The following PAN3 variants were observed in gnomAD, a reference collection of about 807,000 sequenced individuals.
The protein encoded by PAN3 is PAN2-PAN3 deadenylation complex subunit PAN3.
A neutral mutation model predicts 96.2 loss-of-function variants in PAN3; 19 were observed. The ratio of observed to expected loss-of-function variants is 0.20; its 90% CI spans 0.14 to 0.29. The LOEUF (loss-of-function observed/expected upper bound fraction) is 0.29. PAN3 is among the 10% of genes least tolerant of loss of function. The pLI, the probability that PAN3 is intolerant of heterozygous loss-of-function variation, is 1.00. For missense variants in PAN3, 882 were observed against 1,108.1 expected, an observed-to-expected ratio of 0.80 and a Z score of 2.90; for synonymous variants, 433 against 406.6, an observed-to-expected ratio of 1.06 and a Z score of -0.78.
rs745378198 is a variant in PAN3, at chr13:28,280,430, A to G, written c.2208A>G (p.Gln736=). ...TGGGTAGGTATTTGTTGACTGACCAAAACAGGATGCGAAGTGTAAATGACA... is the reference window on the plus strand; with the variant it reads ...TGGGTAGGTATTTGTTGACTGACCAGAACAGGATGCGAAGTGTAAATGACA... The part of the protein sequence containing the change: ...KNLILYLLTD[Q]NRMRSVNDIM... The change falls in exon 16 of 19, where the codon CAA becomes CAG. Residue 736 remains glutamine, a synonymous_variant. Coordinates refer to ENST00000380958, the MANE Select transcript of PAN3 (RefSeq NM_175854.8). 1.9e-6 allele frequency: 3 copies of G among 1,610,948 alleles called. No homozygotes were observed. In the South Asian group the frequency reaches 3.3e-5, roughly 18 times the overall value.
chr13:28,193,882 T>A (rs1877629010), intron 4 of PAN3, among the ~76,000 whole-genome samples: 2 of 150,390 alleles, frequency 1.3e-5, no homozygotes, highest in African/African-American at 4.9e-5. Flanking sequence ...TGAGGCCCAG[T>A]GCGGTGGCTC....
intron 5 of PAN3, among the ~76,000 whole-genome samples, chr13:28,218,073 A>G (rs1156922492): frequency 6.6e-6 from 1 of 152,062 alleles, no homozygotes; most frequent in Non-Finnish European, 1.5e-5. Flanking sequence ...TGTTAAAAAT[A>G]TATACCTATG....
In PAN3 at chr13:28,138,704, C is replaced by T. The variant is rs1344369000; in HGVS notation, c.47C>T (p.Pro16Leu). ...GLPPPSAAAS[P>L]SSSSLAAAVA... ...CCGCCCCCCTCGGCCGCCGCCTCCC[C>T]TTCCTCCTCCTCGCTGGCGGCGGCG... The change falls in exon 1 of 19, where the codon CCT (proline) becomes CTT (leucine). Residue 16 changes from proline (P) to leucine (L), a missense_variant. Around this residue, in one of 3 missense-constraint regions of PAN3, gnomAD observed 442 missense variants for 422.8 expected, o/e 1.05. Coordinates refer to ENST00000380958, the MANE Select transcript of PAN3 (RefSeq NM_175854.8). 3.4e-6 allele frequency: 4 copies of T among 1,163,936 alleles called. No homozygotes were observed. Among genetic ancestry groups the T allele is most frequent in the South Asian group, 2.3e-5 (1 of 43,820 alleles). 72.1% of individuals were successfully genotyped at this position (1,163,936 alleles called of 1,614,324 possible).
chr13:28,167,469 A>G (rs1017709746), intron 1 of PAN3, among the ~76,000 whole-genome samples: 1 of 151,906 alleles, frequency 6.6e-6, no homozygotes, highest in African/African-American at 2.4e-5. Context: ...CCCAATACCC[A>G]TTTTTAATCT....
chr13:28,165,925 C>T (rs1241136138), intron 1 of PAN3, among the ~76,000 whole-genome samples: 2 of 152,122 alleles, frequency 1.3e-5, no homozygotes, highest in African/African-American at 4.8e-5. Flanking sequence ...ACTTAATCAC[C>T]ATCTAAAGGC....
At chr13:28,284,937 A>G (rs1374832911) in intron 17 of PAN3, among the ~76,000 whole-genome samples, 1 of 152,172 alleles carries the variant, frequency 6.6e-6, no homozygotes, top group Non-Finnish European at 1.5e-5. Flanking sequence ...AACTCTGGGA[A>G]CATTTGTGAT....
At chr13:28,212,206 A>G (rs1880133452) in intron 5 of PAN3, among the ~76,000 whole-genome samples, 1 of 152,192 alleles carries the variant, frequency 6.6e-6, no homozygotes, top group Non-Finnish European at 1.5e-5. Context: ...GCCAACGTGG[A>G]AAACTTCGTA....
chr13:28,146,762 G>A (rs1217305432), intron 1 of PAN3, among the ~76,000 whole-genome samples: 1 of 152,152 alleles, frequency 6.6e-6, no homozygotes, highest in Non-Finnish European at 1.5e-5. Flanking sequence ...CGGATCATGA[G>A]GTCAAGAGAT....
chr13:28,143,011 C>T (rs1347020613), intron 1 of PAN3, among the ~76,000 whole-genome samples: 1 of 152,144 alleles, frequency 6.6e-6, no homozygotes, highest in Non-Finnish European at 1.5e-5. Context: ...ATTTTGCAGC[C>T]ATTGGAAAAC....
intron 17 of PAN3, among the ~76,000 whole-genome samples, chr13:28,286,003 A>G (rs1868926152): frequency 6.6e-6 from 1 of 152,186 alleles, no homozygotes; most frequent in Non-Finnish European, 1.5e-5. Context: ...TCTGATACTT[A>G]GCTGTCCATT....
chr13:28,239,583 C>A, intron 6 of PAN3: 1 of 1,286,144 alleles, frequency 7.8e-7, no homozygotes, highest in Non-Finnish European at 1.0e-6. Flanking sequence ...CTCTAGGGAA[C>A]AAGCTACCCT....
chr13:28,206,210 A>G (rs1879328308), intron 5 of PAN3, among the ~76,000 whole-genome samples: 1 of 151,334 alleles, frequency 6.6e-6, no homozygotes. Context: ...CCTACTTATT[A>G]TGGTGACTAC....
intron 1 of PAN3, among the ~76,000 whole-genome samples, chr13:28,168,227 G>A (rs1478917310): frequency 6.6e-6 from 1 of 152,098 alleles, no homozygotes; most frequent in African/African-American, 2.4e-5. Context: ...AATATTTTTG[G>A]ATTTGGGAAT....
At chr13:28,162,553 G>A (rs1263290877) in intron 1 of PAN3, among the ~76,000 whole-genome samples, 1 of 151,906 alleles carries the variant, frequency 6.6e-6, no homozygotes, top group Non-Finnish European at 1.5e-5. Flanking sequence ...GGGCGTGGTG[G>A]CGCACACCTG....
chr13:28,140,319 C>T (rs1300529613), intron 1 of PAN3, among the ~76,000 whole-genome samples: 1 of 152,164 alleles, frequency 6.6e-6, no homozygotes, highest in Non-Finnish European at 1.5e-5. Context: ...GAGCCGGTGC[C>T]AGATGTCCCT....
At chr13:28,176,347 C>T (rs1874987602) in intron 2 of PAN3, 146 bp from the exon 3 acceptor site, 1 of 729,592 alleles carries the variant, frequency 1.4e-6, no homozygotes, top group Non-Finnish European at 2.3e-6. Flanking sequence ...GTAATCCAAG[C>T]AGTAACACTT....
At chr13:28,276,290 G>A (rs1264685654) in intron 14 of PAN3, among the ~76,000 whole-genome samples, 1 of 152,194 alleles carries the variant, frequency 6.6e-6, no homozygotes, top group African/African-American at 2.4e-5. Flanking sequence ...AAATGAACGT[G>A]TGTCTAATAA....
intron 1 of PAN3, among the ~76,000 whole-genome samples, chr13:28,162,227 T>C (rs1415184566): frequency 2.0e-5 from 3 of 152,198 alleles, no homozygotes; most frequent in African/African-American, 7.2e-5. Flanking sequence ...GAAACAGACC[T>C]CATGGTCAGT....
intron 1 of PAN3, among the ~76,000 whole-genome samples, chr13:28,159,432 T>C (rs540772716): frequency 3.2e-4 from 48 of 152,254 alleles, no homozygotes; most frequent in African/African-American, 1.1e-3. Flanking sequence ...AAGGGAACAA[T>C]AGACACCGGA....
Sources: gnomAD v4.1 joint callset for allele counts (sites outside exome capture counted in the v4.1 genomes callset) on GRCh38, gnomAD v4.1.1 for gene constraint, gnomAD v4.1.1 regional missense constraint, MANE v1.5 for transcripts, NCBI Gene and HGNC (gene_info 2026-07-23, HGNC 2026-07-21) for gene names.